The following ADCY6 variants were observed in gnomAD, a reference collection of about 807,000 sequenced individuals.
ADCY6 encodes adenylate cyclase 6.
A neutral mutation model predicts 111.6 loss-of-function variants in ADCY6; 59 were observed. That is an observed-to-expected ratio of 0.53 (90% CI 0.43 to 0.66). ADCY6 has a LOEUF of 0.66. Among genes scored for constraint, ADCY6 ranks in the 30% least tolerant of loss-of-function variants. The pLI, the probability that ADCY6 is intolerant of heterozygous loss-of-function variation, is 0.00. For synonymous variants in ADCY6, 576 were observed against 642.9 expected (o/e 0.90, Z 1.57); for missense variants, 1,242 against 1,595.6 (o/e 0.78, Z 3.78).
intron 9 of ADCY6, 57 bp downstream of exon 9, chr12:48,775,906 G>T: frequency 6.4e-7 from 1 of 1,560,570 alleles, no homozygotes; most frequent in South Asian, 1.2e-5. Flanking sequence ...GTCAGGGACA[G>T]GGTATTGAGG....
In ADCY6 at chr12:48,771,944, C is replaced by T. The variant is rs777523139; in HGVS notation, c.2817G>A (p.Glu939=). 2 of 1,612,568 alleles carry T rather than the reference C, an allele frequency of 1.2e-6. No individual in the cohort carries two copies. The highest frequency in any genetic ancestry group is 3.3e-5 in the Admixed American group (2 of 59,976). ...QATGEKEEME[E]LQAYNRRLLH... ...GCAGCCTCCGGTTGTATGCCTGTAG[C>T]TCCTCCATCTCCTCCTTCTCCCCTG... The change falls in exon 19 of 22, where the codon GAG becomes GAA. Residue 939 remains glutamate, a synonymous_variant. Transcript: ENST00000357869. The surrounding 1 kb of genome is among the most constrained non-coding windows in gnomAD (Gnocchi z 4.3).
At chr12:48,772,479 C>T in intron 17 of ADCY6, 29 bp downstream of exon 17, 1 of 1,614,220 alleles carries the variant, frequency 6.2e-7, no homozygotes, top group Non-Finnish European at 8.5e-7. Flanking sequence ...AATGGCTCTA[C>T]CCTTTGCTGC....
In ADCY6 at chr12:48,766,792, C is replaced by T. The variant is rs1337638619; in HGVS notation, c.*1799G>A. 6.6e-6 allele frequency: 1 copy of T among 152,458 alleles called. No individual in the cohort carries two copies. Among genetic ancestry groups the T allele is most frequent in the Admixed American group, 6.5e-5 (1 of 15,282 alleles). The allele number at this position is 152,458 out of a possible 1,614,324, so 9.4% of individuals were successfully genotyped here. A position where few individuals can be genotyped will look rare whatever the true frequency, so the allele number is the denominator to read the frequency against. On this transcript the variant is annotated 3_prime_UTR_variant, in exon 22 of 22. Coordinates refer to ENST00000357869, the MANE Select transcript of ADCY6 (RefSeq NM_015270.5). ...CAACTCTGGAAACCCTTCTCCTCTG[C>T]CTCTCTAGTCATTTCCAAGACAAAG...
At chr12:48,789,931 A>AG (rs1450847421), upstream of ADCY6, 1 of 151,948 alleles carries the variant, frequency 6.6e-6, no homozygotes, top group East Asian at 1.9e-4. Context: ...TGGGGGTTGG[A>AG]GGGGCTACTG....
chr12:48,782,682 C>A lies in ADCY6; in HGVS notation c.753G>T (p.Thr251=). The A allele has an allele frequency of 1.9e-6, 3 of 1,593,244 alleles. No homozygotes were observed. Among genetic ancestry groups the A allele is most frequent in the South Asian group, 1.1e-5 (1 of 88,800 alleles). ...CPVFFVYIAY[T]LLPIRMRAAV... Reference sequence around the variant, plus strand: ...CAGCCCGCATGCGGATGGGGAGGAGCGTGTAGGCGATGTAGACAAAGAACA... The same window carrying A: ...CAGCCCGCATGCGGATGGGGAGGAGAGTGTAGGCGATGTAGACAAAGAACA... The change falls in exon 2 of 22, where the codon ACG becomes ACT. Residue 251 remains threonine (T), a synonymous_variant. Coordinates refer to ENST00000357869, the MANE Select transcript of ADCY6 (RefSeq NM_015270.5). The surrounding 1 kb of genome is among the most constrained non-coding windows in gnomAD (Gnocchi z 4.3).
rs3730070 is a variant in ADCY6, at chr12:48,775,065, G to C, written c.1981-11C>G. 239,518 of 1,551,208 alleles carry C rather than the reference G, an allele frequency of 0.15. 22,699 individuals carry two copies. The highest frequency in any genetic ancestry group is 0.45 in the African/African-American group (33,040 of 73,020). On this transcript the variant is annotated splice_polypyrimidine_tract_variant and intron_variant, in intron 11 of 21. Coordinates refer to ENST00000357869, the MANE Select transcript of ADCY6 (RefSeq NM_015270.5). ...CACCTTCCGGGAGTACTGAGGGAGA[G>C]GAGGCTGAGCTGAGTGCTGGGCCCT...
intron 2 of ADCY6, among the ~76,000 whole-genome samples, chr12:48,778,872 ATTTTTTTTTTT>A (rs1037254707): frequency 4.1e-5 from 3 of 72,412 alleles, no homozygotes; most frequent in East Asian, 4.6e-4. Context: ...TGAATAACAC[ATTTTTTTTTTT>A]TTTTTTTTTT....
At chr12:48,788,684 C>G (rs1412485627) in intron 1 of ADCY6, among the ~76,000 whole-genome samples, 1 of 152,084 alleles carries the variant, frequency 6.6e-6, no homozygotes, top group Non-Finnish European at 1.5e-5. Flanking sequence ...AGGCGGCGGG[C>G]GACGGGGGTG....
chr12:48,775,034 G>A lies in ADCY6; in HGVS notation c.2001C>T (p.Pro667=). The A allele has an allele frequency of 6.4e-7, 1 of 1,556,400 alleles. No homozygotes were observed. The part of the protein sequence containing the change: ...LEKKYSRKVD[P]RFGAYVACAL... ...CACAGGCAACGTAGGCTCCGAAGCGGGGATCCACCTTCCGGGAGTACTGAG... is the reference window on the plus strand; with the variant it reads ...CACAGGCAACGTAGGCTCCGAAGCGAGGATCCACCTTCCGGGAGTACTGAG... The change falls in exon 12 of 22, where the codon CCC becomes CCT. Residue 667 remains proline, a synonymous_variant. Transcript: ENST00000357869.
rs758994257 is a variant in ADCY6, at chr12:48,775,394, C to A, written c.1889G>T (p.Arg630Leu). 6.2e-7 allele frequency: 1 copy of A among 1,614,162 alleles called. No homozygotes were observed. The highest frequency in any genetic ancestry group is 8.5e-7 in the Non-Finnish European group (1 of 1,180,028). Residue 630 changes from arginine to leucine, a missense_variant, in exon 11 of 22, where the codon CGT (arginine) becomes CTT (leucine). Arg to Leu is a moderately radical substitution (Grantham distance 102). This residue lies in a region of ADCY6 where 375 missense variants were observed against 432.5 expected (regional missense o/e 0.87). Coordinates refer to ENST00000357869, the MANE Select transcript of ADCY6 (RefSeq NM_015270.5). ...ATCAATGCTGCGGGCATCGATGGCA[C>A]GGCTCAGGAACTCATCCACCTCATC... ...PEDEVDEFLSRAIDARSIDQL... is the reference protein window; with the variant it reads ...PEDEVDEFLSLAIDARSIDQL...
Position 48,771,580 on chromosome 12 carries a change from T to C in ADCY6, c.3051+130A>G, listed in dbSNP as rs570749264. On this transcript the variant is annotated intron_variant, in intron 19 of 21. Coordinates refer to ENST00000357869, the MANE Select transcript of ADCY6 (RefSeq NM_015270.5). This position sits in a 1 kb window ranked among gnomAD's most constrained non-coding sequence, Gnocchi z 4.3. ...TTCTTGCCTCTGCCTCCACTGTGCA[T>C]ACCCTTACCCCTGATGACTCTGGGT... is the stretch of plus-strand genomic sequence containing the variant. 1.3e-4 allele frequency: 196 copies of C among 1,463,376 alleles called. 3 individuals carry two copies. In the South Asian group the frequency reaches 2.2e-3, roughly 17 times the overall value. The allele number at this position is 1,463,376 out of a possible 1,614,324, so 90.6% of individuals were successfully genotyped here.
At chr12:48,774,172 C>A in intron 14 of ADCY6, 74 bp from the exon 15 acceptor site, 1 of 1,423,452 alleles carries the variant, frequency 7.0e-7, no homozygotes. Flanking sequence ...AAGCCATGTA[C>A]CCTAACCTGG....
In ADCY6 at chr12:48,766,814, A is replaced by G. The variant is rs1339019215; in HGVS notation, c.*1777T>C. The G allele has an allele frequency of 6.6e-6, 1 of 152,396 alleles. No individual in the cohort carries two copies. Among genetic ancestry groups the G allele is most frequent in the Non-Finnish European group, 1.5e-5 (1 of 68,126 alleles). The allele number at this position is 152,396 out of a possible 1,614,324, so 9.4% of individuals were successfully genotyped here. A position where few individuals can be genotyped will look rare whatever the true frequency, so the allele number is the denominator to read the frequency against. On this transcript the variant is annotated 3_prime_UTR_variant, in exon 22 of 22. Transcript: ENST00000357869. Reference sequence around the variant, plus strand: ...CTGCCTCTCTAGTCATTTCCAAGACAAAGTGATCTTCAAGCAAAATTCAGG... The same window carrying G: ...CTGCCTCTCTAGTCATTTCCAAGACGAAGTGATCTTCAAGCAAAATTCAGG...
intron 11 of ADCY6, 107 bp downstream of exon 11, chr12:48,775,196 C>A: frequency 6.6e-7 from 1 of 1,525,742 alleles, no homozygotes. Context: ...CTCTGTGGTC[C>A]CTTCTCCATC....
At position 48,772,500 on chromosome 12, in the gene ADCY6, T is replaced by C; in HGVS notation, c.2657+8A>G. ...TCTACCCTTTGCTGCCTCGGAGCCC[T>C]CACTTACCAGTCCAGCCCATCAAAG... is the stretch of plus-strand genomic sequence containing the variant. On this transcript the variant is annotated splice_region_variant and intron_variant, in intron 17 of 21. Transcript: ENST00000357869. The C allele has an allele frequency of 6.2e-7, 1 of 1,614,198 alleles. No homozygotes were observed. The highest frequency in any genetic ancestry group is 2.2e-5 in the East Asian group (1 of 44,884).
Position 48,767,573 on chromosome 12 carries a change from C to T in ADCY6, c.*1018G>A, listed in dbSNP as rs1941409461. The T allele has an allele frequency of 6.6e-6, 1 of 152,664 alleles. No homozygotes were observed. The highest frequency in any genetic ancestry group is 2.4e-5 in the African/African-American group (1 of 41,428). The allele number at this position is 152,664 out of a possible 1,614,324, so 9.5% of individuals were successfully genotyped here. A position where few individuals can be genotyped will look rare whatever the true frequency, so the allele number is the denominator to read the frequency against. ...CAGTTACACAAACACACGGGCCCTC[C>T]CCAACACCAGAGACTTGGGAGGGCA... On this transcript the variant is annotated 3_prime_UTR_variant, in exon 22 of 22. Coordinates refer to ENST00000357869, the MANE Select transcript of ADCY6 (RefSeq NM_015270.5).
chr12:48,786,705 C>T (rs1264175648), intron 1 of ADCY6, among the ~76,000 whole-genome samples: 2 of 152,176 alleles, frequency 1.3e-5, no homozygotes, highest in Non-Finnish European at 2.9e-5. Context: ...TCTGGAAGGA[C>T]AGATCAGGAA....
At position 48,782,871 on chromosome 12, in the gene ADCY6, G is replaced by A. The variant is rs773394680; in HGVS notation, c.564C>T (p.Ala188=). 5 of 1,613,902 alleles carry A rather than the reference G, an allele frequency of 3.1e-6. No individual in the cohort carries two copies. Among genetic ancestry groups the A allele is most frequent in the Admixed American group, 1.7e-5 (1 of 60,018 alleles). ...PAYVALLACA[A]ALFVGLMVVC... is the part of the protein sequence containing the mutation. ...CCACCATGAGCCCCACGAACAGGGCGGCGGCACAGGCCAACAGTGCCACAT... is the reference window on the plus strand; with the variant it reads ...CCACCATGAGCCCCACGAACAGGGCAGCGGCACAGGCCAACAGTGCCACAT... Residue 188 remains alanine, a synonymous_variant, in exon 2 of 22, where the codon GCC becomes GCT. Coordinates refer to ENST00000357869, the MANE Select transcript of ADCY6 (RefSeq NM_015270.5). This position sits in a 1 kb window ranked among gnomAD's most constrained non-coding sequence, Gnocchi z 4.3.
chr12:48,784,202 C>T (rs1170091263), intron 1 of ADCY6: 2 of 129,634 alleles, frequency 1.5e-5, no homozygotes, highest in African/African-American at 3.0e-5. Context: ...CAGGATTGTG[C>T]ACCACTGAAC....
Sources: allele counts gnomAD v4.1 joint callset (sites outside exome capture counted in the v4.1 genomes callset), GRCh38; gene constraint gnomAD v4.1.1; regional missense constraint gnomAD v4.1.1; non-coding constraint Gnocchi (gnomAD v3.1); transcripts MANE v1.5; gene names NCBI Gene and HGNC (gene_info 2026-07-23, HGNC 2026-07-21).